FPR3: variants seen among roughly 807,000 people sequenced by gnomAD.
FPR3 encodes the protein N-formyl peptide receptor 3.
For synonymous variants in FPR3, 135 were observed against 163.6 expected, an observed-to-expected ratio of 0.83 and a Z score of 1.34; for missense variants, 346 against 443.2, an observed-to-expected ratio of 0.78 and a Z score of 1.97.
chr19:51,798,756 T>A (rs1424609146), intron 1 of FPR3, among the ~76,000 whole-genome samples: 1 of 152,178 alleles, frequency 6.6e-6, no homozygotes, highest in Non-Finnish European at 1.5e-5. Flanking sequence ...GTATTAGATG[T>A]AAACAAGTGC....
intron 1 of FPR3, among the ~76,000 whole-genome samples, chr19:51,796,819 A>G (rs1482768402): frequency 6.6e-6 from 1 of 152,206 alleles, no homozygotes; most frequent in Admixed American, 6.5e-5. Flanking sequence ...TTTGGAGTCT[A>G]TGGGACTCCC....
intron 1 of FPR3, among the ~76,000 whole-genome samples, 173 bp downstream of exon 1, chr19:51,795,504 C>T (rs200493676): frequency 0.27 from 20,349 of 74,782 alleles, 2,295 homozygotes; most frequent in Middle Eastern, 0.38. Flanking sequence ...CAGTAACATT[C>T]TTTTTTTTTT....
At chr19:51,818,058 T>G (rs55899451) in intron 1 of FPR3, among the ~76,000 whole-genome samples, 57,502 of 151,448 alleles carry the variant, frequency 0.38, 11,200 homozygotes, top group South Asian at 0.52. Context: ...CACGTCCTTT[T>G]TAGGGACATG....
chr19:51,798,913 C>T (rs1220885086), intron 1 of FPR3, among the ~76,000 whole-genome samples: 4 of 151,848 alleles, frequency 2.6e-5, no homozygotes, highest in East Asian at 3.9e-4. Context: ...CCGAGGAGTT[C>T]GAGACAGCCT....
chr19:51,818,396 T>C (rs2084160215), intron 1 of FPR3, among the ~76,000 whole-genome samples: 2 of 152,150 alleles, frequency 1.3e-5, no homozygotes, highest in African/African-American at 4.8e-5. Context: ...ACAGACCACA[T>C]TGTGTTTCCA....
At chr19:51,805,204 C>T (rs1016783610) in intron 1 of FPR3, 4 of 152,322 alleles carry the variant, frequency 2.6e-5, no homozygotes, top group South Asian at 4.1e-4. Flanking sequence ...AATGTAAGAC[C>T]AGGCTGGGCA....
chr19:51,796,275 T>C (rs962745610), intron 1 of FPR3, among the ~76,000 whole-genome samples: 6 of 152,102 alleles, frequency 3.9e-5, no homozygotes, highest in Non-Finnish European at 8.8e-5. Context: ...GTTCAAGGAA[T>C]TAGAGCCCAG....
At chr19:51,798,027 A>C (rs2084010057) in intron 1 of FPR3, among the ~76,000 whole-genome samples, 1 of 151,218 alleles carries the variant, frequency 6.6e-6, no homozygotes, top group Admixed American at 6.6e-5. Context: ...ATTCTATTTA[A>C]TCCTCCCCTG....
intron 1 of FPR3, among the ~76,000 whole-genome samples, chr19:51,812,501 T>C (rs1207948341): frequency 1.3e-5 from 2 of 152,210 alleles, no homozygotes; most frequent in Non-Finnish European, 2.9e-5. Flanking sequence ...CTGGTAAACA[T>C]TTTGCTCTCA....
At chr19:51,809,569 G>C (rs1803004352) in intron 1 of FPR3, among the ~76,000 whole-genome samples, 1 of 152,170 alleles carries the variant, frequency 6.6e-6, no homozygotes, top group Non-Finnish European at 1.5e-5. Flanking sequence ...GCAGTATATT[G>C]TCCCAGCTCA....
Position 51,795,504 on chromosome 19 carries a change from C to CTTTTTTTTTTTTTTTTTTTTTTTTT in FPR3, c.-11+178_-11+202dup, listed in dbSNP as rs58620565. On this transcript the variant is annotated intron_variant, in intron 1 of 1. Coordinates refer to ENST00000339223, the MANE Select transcript of FPR3 (RefSeq NM_002030.5). ...TTTGGTTACATGTTCCAGTAACATT[C>CTTTTTTTTTTTTTTTTTTTTTTTTT]TTTTTTTTTTTTTTTTTTTTTTTTT... 1.5e-4 allele frequency among the ~76,000 whole-genome samples: 11 copies of CTTTTTTTTTTTTTTTTTTTTTTTTT among 74,738 alleles called. 3 individuals are homozygous for CTTTTTTTTTTTTTTTTTTTTTTTTT. The highest frequency in any genetic ancestry group is 1.9e-4 in the African/African-American group (3 of 16,078). 49.0% of individuals were successfully genotyped at this position (74,738 alleles called of 152,430 possible).
chr19:51,820,770 G>A (rs1449643332), intron 1 of FPR3, among the ~76,000 whole-genome samples: 1 of 152,124 alleles, frequency 6.6e-6, no homozygotes, highest in Non-Finnish European at 1.5e-5. Context: ...CTGACTGGGG[G>A]CTTTAAATAA....
chr19:51,818,792 C>T (rs1266165340), intron 1 of FPR3, among the ~76,000 whole-genome samples: 1 of 152,154 alleles, frequency 6.6e-6, no homozygotes, highest in Admixed American at 6.5e-5. Flanking sequence ...TCTGGGGATA[C>T]ACAAGACAAA....
intron 1 of FPR3, among the ~76,000 whole-genome samples, chr19:51,798,418 C>A (rs1401884642): frequency 1.3e-5 from 2 of 152,000 alleles, no homozygotes; most frequent in African/African-American, 2.4e-5. Flanking sequence ...GCTGAGAAAC[C>A]CTGAGCTACA....
intron 1 of FPR3, among the ~76,000 whole-genome samples, chr19:51,810,664 T>C (rs140192003): frequency 6.6e-6 from 1 of 152,210 alleles, no homozygotes; most frequent in Non-Finnish European, 1.5e-5. Context: ...ATGTCAGATA[T>C]GCACTAGTGG....
chr19:51,800,587 C>A (rs1183832720), intron 1 of FPR3, among the ~76,000 whole-genome samples: 1 of 152,118 alleles, frequency 6.6e-6, no homozygotes, highest in Non-Finnish European at 1.5e-5. Context: ...TGGGCCTTTG[C>A]CCGGCAGAGT....
rs768724344 is a variant in FPR3 at position 51,824,044 on chromosome 19, A to G, written c.296A>G (p.Lys99Arg). The G allele has an allele frequency of 1.2e-6, 2 of 1,613,996 alleles. No individual in the cohort carries two copies. The highest frequency in any genetic ancestry group is 1.7e-6 in the Non-Finnish European group (2 of 1,179,976). Residue 99 changes from lysine to arginine, a missense_variant, in exon 2 of 2, where the codon AAG (lysine) becomes AGG (arginine). Lys to Arg is a conservative substitution (Grantham distance 26). Transcript: ENST00000339223. This position sits in a 1 kb window ranked among gnomAD's most constrained non-coding sequence, Gnocchi z 4.7. The part of the protein sequence containing the change: ...EKWPFGSFLC[K>R]LVHVMIDINL... ...TGGCCTTTTGGCTCATTCCTATGTA[A>G]GTTAGTTCATGTTATGATAGACATC... is the stretch of plus-strand genomic sequence containing the variant.
intron 1 of FPR3, among the ~76,000 whole-genome samples, chr19:51,809,912 G>C (rs564478513): frequency 6.6e-6 from 1 of 152,102 alleles, no homozygotes; most frequent in African/African-American, 2.4e-5. Flanking sequence ...GTGGGGCCTG[G>C]GTCCAGGCCC....
In FPR3 at chr19:51,826,037, A is replaced by G. The variant is rs1250378402; in HGVS notation, c.*1227A>G. 6.1e-6 allele frequency: 1 copy of G among 164,830 alleles called. No individual in the cohort carries two copies. Among genetic ancestry groups the G allele is most frequent in the Non-Finnish European group, 1.5e-5 (1 of 68,120 alleles). The allele number at this position is 164,830 out of a possible 1,614,324, so 10.2% of individuals were successfully genotyped here. A position where few individuals can be genotyped will look rare whatever the true frequency, so the allele number is the denominator to read the frequency against. ...AGAGTTTTCTTTTATTGTTTAAATCATGAATGAATGTTGAATTTTATTAAA... is the reference window on the plus strand; with the variant it reads ...AGAGTTTTCTTTTATTGTTTAAATCGTGAATGAATGTTGAATTTTATTAAA... On this transcript the variant is annotated 3_prime_UTR_variant, in exon 2 of 2. Coordinates refer to ENST00000339223, the MANE Select transcript of FPR3 (RefSeq NM_002030.5).
Sources: gnomAD v4.1 joint callset for allele counts (sites outside exome capture counted in the v4.1 genomes callset) on GRCh38, gnomAD v4.1.1 for gene constraint, Gnocchi (gnomAD v3.1) non-coding constraint, MANE v1.5 for transcripts, NCBI Gene and HGNC (gene_info 2026-07-23, HGNC 2026-07-21) for gene names.